Variants in CDHR1 observed in about 807,000 individuals in gnomAD.
CDHR1 encodes the protein cadherin related family member 1, also known as cadherin-related family member 1.
Under a neutral mutation model 72.1 loss-of-function variants are expected in CDHR1, and 61 were observed. That is an observed-to-expected ratio of 0.85 (90% CI 0.69 to 1.05). The LOEUF (loss-of-function observed/expected upper bound fraction) is 1.05. Among genes scored for constraint, CDHR1 ranks in the 50% least tolerant of loss-of-function variants. The pLI, the probability that CDHR1 is intolerant of heterozygous loss-of-function variation, is 0.00. For missense variants in CDHR1, 1,186 were observed against 1,115.7 expected (o/e 1.06, Z -0.90); for synonymous variants, 470 against 448.1 (o/e 1.05, Z -0.62).
In CDHR1 at chr10:84,205,993, C is replaced by T. The variant is rs928159722; in HGVS notation, c.963+66C>T. 10 of 1,222,024 alleles carry T rather than the reference C, an allele frequency of 8.2e-6. No individual in the cohort carries two copies. In the South Asian group the frequency reaches 9.9e-5, roughly 12 times the overall value. The allele number at this position is 1,222,024 out of a possible 1,614,324, so 75.7% of individuals were successfully genotyped here. On this transcript the variant is annotated intron_variant, in intron 10 of 16. Transcript: ENST00000623527. ...CCCTGGAAGTCTATAAAGGTGAAGACACCCAGGCCCTTTTTCCTGGGGCCC... is the reference window on the plus strand; with the variant it reads ...CCCTGGAAGTCTATAAAGGTGAAGATACCCAGGCCCTTTTTCCTGGGGCCC...
chr10:84,214,959 G>A lies in CDHR1; in HGVS notation c.*338G>A, dbSNP rs916927389. On this transcript the variant is annotated 3_prime_UTR_variant, in exon 17 of 17. Coordinates refer to ENST00000623527, the MANE Select transcript of CDHR1 (RefSeq NM_033100.4). ...CAGCTCACCCATCCCAGACCTCACA[G>A]TCCCTCAGGTTCTACTGGGATCTCA... 8.1e-7 allele frequency: 1 copy of A among 1,241,018 alleles called. No individual in the cohort carries two copies. Among genetic ancestry groups the A allele is most frequent in the Non-Finnish European group, 1.0e-6 (1 of 980,542 alleles). The allele number at this position is 1,241,018 out of a possible 1,614,324, so 76.9% of individuals were successfully genotyped here. A position where few individuals can be genotyped will look rare whatever the true frequency, so the allele number is the denominator to read the frequency against.
In CDHR1 at chr10:84,199,213, C is replaced by A. The variant is rs1202526709; in HGVS notation, c.438+92C>A. 15 of 993,564 alleles carry A rather than the reference C, an allele frequency of 1.5e-5. No homozygotes were observed. The Admixed American group carries it at 2.0e-4, about 13-fold the overall frequency. 61.5% of individuals were successfully genotyped at this position (993,564 alleles called of 1,614,324 possible). A position where few individuals can be genotyped will look rare whatever the true frequency, so the allele number is the denominator to read the frequency against. On this transcript the variant is annotated intron_variant, in intron 5 of 16. Coordinates refer to ENST00000623527, the MANE Select transcript of CDHR1 (RefSeq NM_033100.4). ...CCTGTGGCCTGGCCATGGCTCACTG[C>A]CCTGTGGAGAACCTCTCTGTCACCA... is the stretch of plus-strand genomic sequence containing the variant.
rs765825366 is a variant in CDHR1 at position 84,214,638 on chromosome 10, C to T, written c.*17C>T. The T allele has an allele frequency of 3.8e-6, 6 of 1,599,276 alleles. No individual in the cohort carries two copies. The highest frequency in any genetic ancestry group is 1.3e-5 in the African/African-American group (1 of 74,992). On this transcript the variant is annotated 3_prime_UTR_variant, in exon 17 of 17. Coordinates refer to ENST00000623527, the MANE Select transcript of CDHR1 (RefSeq NM_033100.4). Reference sequence around the variant, plus strand: ...TACTTCTAGTGTATGCCCTATGACCCCCCATCTTTCCTCCGCCCCTGACCC... The same window carrying T: ...TACTTCTAGTGTATGCCCTATGACCTCCCATCTTTCCTCCGCCCCTGACCC...
intron 16 of CDHR1, 148 bp from the exon 17 acceptor site, chr10:84,213,934 A>G: frequency 1.9e-6 from 2 of 1,032,776 alleles, no homozygotes; most frequent in Non-Finnish European, 3.0e-6. Context: ...TTTCCTGGAC[A>G]AAAGCCCATA....
intron 10 of CDHR1, among the ~76,000 whole-genome samples, chr10:84,207,929 T>C (rs937620018): frequency 6.6e-6 from 1 of 152,224 alleles, no homozygotes; most frequent in African/African-American, 2.4e-5. Context: ...CTCTGTTAAC[T>C]GTAGCTTCCT....
chr10:84,211,494 A>T (rs534785854), intron 13 of CDHR1, among the ~76,000 whole-genome samples, 154 bp from the exon 14 acceptor site: 1 of 152,312 alleles, frequency 6.6e-6, no homozygotes, highest in African/African-American at 2.4e-5. Context: ...GAGGAAAACT[A>T]GGGATCCCGG....
rs768356867 is a variant in CDHR1 at position 84,204,601 on chromosome 10, A to T, written c.858A>T (p.Val286=). Residue 286 remains valine, a synonymous_variant, in exon 9 of 17, where the codon GTA becomes GTT. Coordinates refer to ENST00000623527, the MANE Select transcript of CDHR1 (RefSeq NM_033100.4). ...GKPNRILYSL[V]NGNDGAFEIN... ...CCAATCGAATTCTCTACAGCCTTGTAAATGGTGAGTCTGAGCAGCTTTGGG... is the reference window on the plus strand; with the variant it reads ...CCAATCGAATTCTCTACAGCCTTGTTAATGGTGAGTCTGAGCAGCTTTGGG... 3 of 1,611,560 alleles carry T rather than the reference A, an allele frequency of 1.9e-6. No individual in the cohort carries two copies.
Position 84,200,632 on chromosome 10 carries a change from T to G in CDHR1, c.470T>G (p.Val157Gly). Reference sequence around the variant, plus strand: ...CCTGCTGGGAGCATCATCTTTAAGGTCCATGCAGTGGACAGGGACACAGGC... The same window carrying G: ...CCTGCTGGGAGCATCATCTTTAAGGGCCATGCAGTGGACAGGGACACAGGC... ...DIPAGSIIFK[V>G]HAVDRDTGSG... Residue 157 changes from valine (V) to glycine (G), a missense_variant, in exon 6 of 17, where the codon GTC becomes GGC. Val to Gly is a moderately radical substitution (Grantham distance 109). Coordinates refer to ENST00000623527, the MANE Select transcript of CDHR1 (RefSeq NM_033100.4). The G allele has an allele frequency of 6.2e-7, 1 of 1,612,454 alleles. No homozygotes were observed.
chr10:84,207,396 G>T (rs1416470211), intron 10 of CDHR1, among the ~76,000 whole-genome samples: 2 of 152,104 alleles, frequency 1.3e-5, no homozygotes, highest in Admixed American at 1.3e-4. Flanking sequence ...ATACAGTGTG[G>T]AAGTCAGGGT....
In CDHR1 at chr10:84,215,767, C is replaced by T. The variant is rs543566185; in HGVS notation, c.*1146C>T. On this transcript the variant is annotated 3_prime_UTR_variant, in exon 17 of 17. Coordinates refer to ENST00000623527, the MANE Select transcript of CDHR1 (RefSeq NM_033100.4). ...GGAGCCTCACATCTACTCTGCCAAGCGCCCCAGCAGGCACTGTGCTGGGCT... is the reference window on the plus strand; with the variant it reads ...GGAGCCTCACATCTACTCTGCCAAGTGCCCCAGCAGGCACTGTGCTGGGCT... 4.6e-4 allele frequency: 457 copies of T among 985,466 alleles called. 1 individual carries two copies. The African/African-American group carries it at 6.8e-3, about 15-fold the overall frequency. The allele number at this position is 985,466 out of a possible 1,614,324, so 61.0% of individuals were successfully genotyped here. A position where few individuals can be genotyped will look rare whatever the true frequency, so the allele number is the denominator to read the frequency against.
rs748442031 is a variant in CDHR1, at chr10:84,217,279, A to G, written c.*2658A>G. On this transcript the variant is annotated 3_prime_UTR_variant, in exon 17 of 17. Coordinates refer to ENST00000623527, the MANE Select transcript of CDHR1 (RefSeq NM_033100.4). ...GCCTCCAGGGAAAGAGCTGGGAGGC[A>G]GGAATGGCACACTGGGCAGGCTTGC... 6 of 985,530 alleles carry G rather than the reference A, an allele frequency of 6.1e-6. No individual in the cohort carries two copies. The highest frequency in any genetic ancestry group is 7.2e-6 in the Non-Finnish European group (6 of 829,978). The allele number at this position is 985,530 out of a possible 1,614,324, so 61.0% of individuals were successfully genotyped here. A position where few individuals can be genotyped will look rare whatever the true frequency, so the allele number is the denominator to read the frequency against.
At chr10:84,206,754 C>T (rs112842046) in intron 10 of CDHR1, among the ~76,000 whole-genome samples, 7 of 152,156 alleles carry the variant, frequency 4.6e-5, no homozygotes, top group African/African-American at 1.4e-4. Flanking sequence ...ATTATAAGCA[C>T]CCAGGTAATT....
intron 16 of CDHR1, 68 bp from the exon 17 acceptor site, chr10:84,214,014 C>T: frequency 6.2e-7 from 1 of 1,603,984 alleles, no homozygotes; most frequent in Non-Finnish European, 8.5e-7. Flanking sequence ...TAAGGAAGCA[C>T]ATACCTACTC....
At chr10:84,196,732 G>A in intron 3 of CDHR1, 82 bp downstream of exon 3, 2 of 1,504,388 alleles carry the variant, frequency 1.3e-6, no homozygotes, top group East Asian at 2.3e-5. Flanking sequence ...GGAGCACATT[G>A]GTTAGAACCT....
Position 84,214,582 on chromosome 10 carries a change from G to A in CDHR1, c.2541G>A (p.Lys847=). 9 of 1,600,252 alleles carry A rather than the reference G, an allele frequency of 5.6e-6. No individual in the cohort carries two copies. The highest frequency in any genetic ancestry group is 7.6e-6 in the Non-Finnish European group (9 of 1,179,958). Residue 847 remains lysine, a synonymous_variant, in exon 17 of 17, where the codon AAG becomes AAA. Transcript: ENST00000623527. ...CTCTGATCTCTGAGCTCAAGCAAAA[G>A]TTTGAGAAGAAGAGTGTGCACAACA... ...QSTLISELKQ[K]FEKKSVHNKA...
In CDHR1 at chr10:84,216,564, C is replaced by T; in HGVS notation, c.*1943C>T. On this transcript the variant is annotated 3_prime_UTR_variant, in exon 17 of 17. Coordinates refer to ENST00000623527, the MANE Select transcript of CDHR1 (RefSeq NM_033100.4). The stretch of plus-strand genomic sequence containing the variant: ...TGCTCCCTGCTTTCATTTATGTTTG[C>T]TGACCTGTGGAGACCAGTCTTTCTG... 1 of 985,518 alleles carries T rather than the reference C, an allele frequency of 1.0e-6. No individual in the cohort carries two copies. The highest frequency in any genetic ancestry group is 1.2e-6 in the Non-Finnish European group (1 of 829,954). 61.0% of individuals were successfully genotyped at this position (985,518 alleles called of 1,614,324 possible). A position where few individuals can be genotyped will look rare whatever the true frequency, so the allele number is the denominator to read the frequency against.
Position 84,197,809 on chromosome 10 carries a change from C to T in CDHR1, c.321C>T (p.Ile107=), listed in dbSNP as rs1842054515. ...AGAGGGAAGATGAGATTGAAGCCAT[C>T]ATCAGCATTTCTGATGGCCTGAATC... The part of the protein sequence containing the change: ...DREREDEIEA[I]ISISDGLNLV... The change falls in exon 4 of 17, where the codon ATC becomes ATT. Residue 107 remains isoleucine (I), a synonymous_variant. Transcript: ENST00000623527. 2 of 1,614,096 alleles carry T rather than the reference C, an allele frequency of 1.2e-6. No individual in the cohort carries two copies. The highest frequency in any genetic ancestry group is 2.2e-5 in the South Asian group (2 of 91,074).
At chr10:84,205,588 A>T in intron 9 of CDHR1, 1 of 591,144 alleles carries the variant, frequency 1.7e-6, no homozygotes, top group Non-Finnish European at 3.0e-6. Flanking sequence ...GAAAAGGGAC[A>T]CAGTATGGAA....
At position 84,211,007 on chromosome 10, in the gene CDHR1, G is replaced by A; in HGVS notation, c.1327G>A (p.Ala443Thr). The A allele has an allele frequency of 6.2e-7, 1 of 1,614,168 alleles. No individual in the cohort carries two copies. The highest frequency in any genetic ancestry group is 8.5e-7 in the Non-Finnish European group (1 of 1,180,022). ...KSKVLTFKLL[A>T]VEVNTPEKFS... ...CATTTTCCCCCCTTCCCAGCTCCTG[G>A]CTGTTGAAGTGAACACCCCAGAGAA... Residue 443 changes from alanine to threonine, a missense_variant, in exon 13 of 17, where the codon GCT becomes ACT. Ala to Thr is a moderately conservative substitution (Grantham distance 58). Transcript: ENST00000623527.
Sources: allele counts gnomAD v4.1 joint callset (sites outside exome capture counted in the v4.1 genomes callset), GRCh38; gene constraint gnomAD v4.1.1; transcripts MANE v1.5; gene names NCBI Gene and HGNC (gene_info 2026-07-23, HGNC 2026-07-21).